Variants in WNT9B observed in about 807,000 individuals in gnomAD.
WNT9B encodes protein Wnt-9b.
Under a neutral mutation model 30.2 loss-of-function variants are expected in WNT9B, and 12 were observed. That is an observed-to-expected ratio of 0.40 (90% confidence interval 0.26 to 0.64). The LOEUF is 0.64. Among genes scored for constraint, WNT9B ranks in the 30% least tolerant of loss-of-function variants. The pLI is 0.42. For synonymous variants in WNT9B, 218 were observed against 216.9 expected (o/e 1.01, Z -0.05); for missense variants, 442 against 485.2 (o/e 0.91, Z 0.84).
At chr17:46,883,588 G>A (rs1403005402), downstream of WNT9B, among the ~76,000 whole-genome samples, 1 of 152,146 alleles carries the variant, frequency 6.6e-6, no homozygotes, top group Non-Finnish European at 1.5e-5. Flanking sequence ...CCTGGCCTAT[G>A]ATCCCCATTT....
downstream of WNT9B, among the ~76,000 whole-genome samples, chr17:46,884,328 G>A (rs549056538): frequency 1.3e-5 from 2 of 152,258 alleles, no homozygotes; most frequent in South Asian, 4.1e-4. Context: ...GCCCAGAGGC[G>A]GGAGATGTCA....
chr17:46,848,971 G>T (rs1284907736), upstream of WNT9B, among the ~76,000 whole-genome samples: 1 of 151,890 alleles, frequency 6.6e-6, no homozygotes, highest in Admixed American at 6.6e-5. Context: ...CACAGGAGCT[G>T]CTGTGGAATT....
chr17:46,874,364 A>T (rs539233636), intron 2 of WNT9B, among the ~76,000 whole-genome samples: 1 of 152,244 alleles, frequency 6.6e-6, no homozygotes, highest in African/African-American at 2.4e-5. Flanking sequence ...GGCCTCAGAA[A>T]TGGGCCCATC....
intron 1 of WNT9B, among the ~76,000 whole-genome samples, chr17:46,855,073 CAG>C (rs1377232462): frequency 1.1e-4 from 17 of 150,450 alleles, no homozygotes; most frequent in African/African-American, 4.2e-4. Flanking sequence ...CAGAAAGGTT[CAG>C]TCAGTCACCC....
At chr17:46,839,462 G>T (rs943117267) in intron 1 of WNT9B, among the ~76,000 whole-genome samples, 5 of 152,222 alleles carry the variant, frequency 3.3e-5, no homozygotes, top group African/African-American at 1.2e-4. Flanking sequence ...AAGCTGTATG[G>T]CTGTGGCACA....
Position 46,879,255 on chromosome 17 carries a change from C to G in WNT9B, c.*2537C>G, listed in dbSNP as rs183197752. 3.5e-3 allele frequency among the ~76,000 whole-genome samples: 526 copies of G among 152,228 alleles called. 15 individuals carry two copies. Among genetic ancestry groups the G allele is most frequent in the Admixed American group, 0.029 (440 of 15,308 alleles). ...GAGATACAGCCTGACCTGACCGGGT[C>G]CCCCACTGAGCAGGAGGCCGGGTCG... On this transcript the variant is annotated 3_prime_UTR_variant, in exon 4 of 4. Coordinates refer to ENST00000290015, the MANE Select transcript of WNT9B (RefSeq NM_003396.3).
exon 5 of WNT9B, chr17:46,886,090 CTTT>C (rs946553831): frequency 2.6e-5 from 4 of 152,382 alleles, no homozygotes; most frequent in Non-Finnish European, 4.4e-5. Flanking sequence ...AGATGAACTT[CTTT>C]CTCTCCCTCC....
In WNT9B at chr17:46,872,649, G is replaced by C; in HGVS notation, c.210G>C (p.Arg70Ser). ...LSRRQKQLCR[R>S]EPGLAETLRD... ...GGCGGCAGAAGCAGCTCTGCCGGAG[G>C]GAGCCCGGCCTGGCTGAGACCCTGA... Residue 70 changes from arginine to serine, a missense_variant, in exon 2 of 4, where the codon AGG becomes AGC. Transcript: ENST00000290015. The C allele has an allele frequency of 3.7e-6, 6 of 1,613,658 alleles. No individual in the cohort carries two copies. Among genetic ancestry groups the C allele is most frequent in the Non-Finnish European group, 4.2e-6 (5 of 1,179,988 alleles).
chr17:46,846,311 T>A (rs1345832266), intron 1 of WNT9B, among the ~76,000 whole-genome samples: 1 of 152,242 alleles, frequency 6.6e-6, no homozygotes, highest in Non-Finnish European at 1.5e-5. Flanking sequence ...CATTCAGTTA[T>A]TCATTCATTA....
chr17:46,871,979 A>G lies in WNT9B; in HGVS notation c.78-538A>G, dbSNP rs117388498. Among the ~76,000 whole-genome samples the G allele has an allele frequency of 5.9e-5, 9 of 152,316 alleles. No individual in the cohort carries two copies. In the East Asian group the frequency reaches 1.7e-3, roughly 29 times the overall value. ...GATTACTTGGGCAGCAGCATAATGTAAGGGAGAGAGGGATGTCAGGGGACC... is the reference window on the plus strand; with the variant it reads ...GATTACTTGGGCAGCAGCATAATGTGAGGGAGAGAGGGATGTCAGGGGACC... On this transcript the variant is annotated intron_variant, in intron 1 of 3. Coordinates refer to ENST00000290015, the MANE Select transcript of WNT9B (RefSeq NM_003396.3).
chr17:46,849,849 CT>C (rs761797393), upstream of WNT9B, among the ~76,000 whole-genome samples: 22 of 145,680 alleles, frequency 1.5e-4, no homozygotes, highest in South Asian at 2.2e-4. Flanking sequence ...CATTTAATAT[CT>C]TTTTTTTTTT....
intron 1 of WNT9B, among the ~76,000 whole-genome samples, chr17:46,858,110 A>G (rs2084969764): frequency 6.6e-6 from 1 of 152,126 alleles, no homozygotes; most frequent in African/African-American, 2.4e-5. Flanking sequence ...TTGTATTTGT[A>G]GTAGAGATAA....
rs145294300 is a variant in WNT9B, at chr17:46,835,280, C to T, written c.95+1840C>T. On this transcript the variant is annotated intron_variant, in intron 1 of 2. Coordinates refer to the WNT9B transcript ENST00000575372. ...AGGTTTGAGTGCAGTGGCACAATCC[C>T]GGCTCACTGCAAGCTCCGCCTCCCG... Among the ~76,000 whole-genome samples, 531 of 152,186 alleles carry T rather than the reference C, an allele frequency of 3.5e-3. 4 individuals carry two copies. The highest frequency in any genetic ancestry group is 0.012 in the African/African-American group (489 of 41,516).
At position 46,879,388 on chromosome 17, in the gene WNT9B, G is replaced by T. The variant is rs1237652436; in HGVS notation, c.*2670G>T. On this transcript the variant is annotated 3_prime_UTR_variant, in exon 4 of 4. Transcript: ENST00000290015. ...GGTGGGCTCCATCCAGACCCTCCTT[G>T]TGATGTTTTTGTAGATTTTCTGCCC... Among the ~76,000 whole-genome samples, 1 of 152,210 alleles carries T rather than the reference G, an allele frequency of 6.6e-6. No individual in the cohort carries two copies. The highest frequency in any genetic ancestry group is 1.5e-5 in the Non-Finnish European group (1 of 68,046).
intron 1 of WNT9B, among the ~76,000 whole-genome samples, chr17:46,857,920 TTTG>T (rs34491793): frequency 6.6e-5 from 10 of 151,300 alleles, no homozygotes; most frequent in Non-Finnish European, 1.2e-4. Context: ...CTTTATGTAT[TTTG>T]TTGTTGTTGT....
At chr17:46,833,566 C>A in intron 1 of WNT9B, 1 of 393,970 alleles carries the variant, frequency 2.5e-6, no homozygotes, top group South Asian at 1.9e-5. Flanking sequence ...AACTCAAACC[C>A]CAGTCTCCTG....
At chr17:46,866,706 C>G (rs1227217161) in intron 1 of WNT9B, among the ~76,000 whole-genome samples, 2 of 152,078 alleles carry the variant, frequency 1.3e-5, no homozygotes, top group African/African-American at 4.8e-5. Context: ...GCGTAATGCA[C>G]TACTCCTGGA....
downstream of WNT9B, among the ~76,000 whole-genome samples, chr17:46,884,732 G>A (rs1444559384): frequency 6.6e-6 from 1 of 152,192 alleles, no homozygotes; most frequent in Non-Finnish European, 1.5e-5. Context: ...GGGGCTCAGA[G>A]GGGTTAGACC....
At chr17:46,854,722 A>T (rs1018553876) in intron 1 of WNT9B, among the ~76,000 whole-genome samples, 2 of 151,930 alleles carry the variant, frequency 1.3e-5, no homozygotes, top group Admixed American at 1.3e-4. Context: ...GTGCAGTGTC[A>T]TGATCTCGGC....
Sources: gnomAD v4.1 joint callset for allele counts (sites outside exome capture counted in the v4.1 genomes callset) on GRCh38, gnomAD v4.1.1 for gene constraint, MANE v1.5 for transcripts, NCBI Gene and HGNC (gene_info 2026-07-23, HGNC 2026-07-21) for gene names.